NMBR: variants seen among roughly 807,000 people sequenced by gnomAD.
NMBR encodes neuromedin-B receptor.
In NMBR, 16 loss-of-function variants were observed where a neutral mutation model predicts 20.5. The observed-to-expected ratio is 0.78, with a 90% confidence interval of 0.53 to 1.19. The LOEUF (loss-of-function observed/expected upper bound fraction) is 1.19. NMBR is among the 50% of genes most tolerant of loss of function. The pLI, the probability that NMBR is intolerant of heterozygous loss-of-function variation, is 0.00. For missense variants in NMBR, 582 were observed against 499.1 expected (o/e 1.17, Z -1.58); for synonymous variants, 212 against 196.6 (o/e 1.08, Z -0.65).
chr6:142,134,994 C>A, intron 1 of NMBR: 1 of 458,390 alleles, frequency 2.2e-6, no homozygotes, highest in South Asian at 5.0e-5. Context: ...TCAGTGAGTA[C>A]AATTTCAAAA....
At chr6:142,129,601 A>G (rs141808665) in intron 1 of NMBR, among the ~76,000 whole-genome samples, 356 of 152,250 alleles carry the variant, frequency 2.3e-3, no homozygotes, top group Non-Finnish European at 3.4e-3. Flanking sequence ...GAGAAAAGAC[A>G]TTGAAAACAG....
intron 1 of NMBR, among the ~76,000 whole-genome samples, chr6:142,123,898 T>A (rs908829810): frequency 6.6e-6 from 1 of 151,904 alleles, no homozygotes; most frequent in African/African-American, 2.4e-5. Context: ...CATCGGATAT[T>A]TTTTTAAAAG....
At position 142,075,613 on chromosome 6, in the gene NMBR, A is replaced by T. The variant is rs376713147; in HGVS notation, c.*35T>A. On this transcript the variant is annotated 3_prime_UTR_variant, in exon 4 of 4. Coordinates refer to ENST00000258042, the MANE Select transcript of NMBR (RefSeq NM_002511.4). The stretch of plus-strand genomic sequence containing the variant: ...CCGAATAGGAATTTTAACAGTTACT[A>T]AGTTCTCTCCAGGTAGTGAGTTGAA... 13 of 1,549,516 alleles carry T rather than the reference A, an allele frequency of 8.4e-6. No homozygotes were observed. Among genetic ancestry groups the T allele is most frequent in the African/African-American group, 2.8e-5 (2 of 72,714 alleles).
chr6:142,137,243 T>C (rs1778276980), intron 1 of NMBR, among the ~76,000 whole-genome samples: 1 of 152,212 alleles, frequency 6.6e-6, no homozygotes, highest in African/African-American at 2.4e-5. Flanking sequence ...AGGTATTTTA[T>C]TCTCTTTGAA....
intron 1 of NMBR, among the ~76,000 whole-genome samples, chr6:142,108,882 T>C (rs760405073): frequency 5.3e-5 from 8 of 152,192 alleles, no homozygotes; most frequent in Admixed American, 3.9e-4. Flanking sequence ...GGCAAGTTCC[T>C]TTCTCCTATG....
intron 1 of NMBR, among the ~76,000 whole-genome samples, chr6:142,135,509 T>C (rs1274148350): frequency 6.6e-6 from 1 of 152,120 alleles, no homozygotes; most frequent in African/African-American, 2.4e-5. Context: ...TTTATTATTA[T>C]TATACTTTAA....
intron 1 of NMBR, among the ~76,000 whole-genome samples, chr6:142,095,518 G>A (rs978423104): frequency 6.6e-6 from 1 of 152,166 alleles, no homozygotes; most frequent in Admixed American, 6.5e-5. Flanking sequence ...TGATCATGGT[G>A]GATAAGCTTT....
chr6:142,085,046 TA>T (rs1337421733), intron 2 of NMBR, among the ~76,000 whole-genome samples: 1 of 152,096 alleles, frequency 6.6e-6, no homozygotes, highest in Admixed American at 6.6e-5. Flanking sequence ...GATAACAGTT[TA>T]AAAAATAATA....
chr6:142,126,616 T>C (rs1204848797), intron 1 of NMBR, among the ~76,000 whole-genome samples: 1 of 151,920 alleles, frequency 6.6e-6, no homozygotes, highest in African/African-American at 2.4e-5. Flanking sequence ...TGAAGTGATA[T>C]CTTATTGTGA....
Position 142,075,806 on chromosome 6 carries a change from G to C in NMBR, c.1015C>G (p.Leu339Val), listed in dbSNP as rs371670947. ...ESFRRHFNSQ[L>V]CCGRKSYQER... Reference sequence around the variant, plus strand: ...TGATAGGACTTCCTCCCACAGCAGAGTTGGCTGTTGAAATGCCTCCTGAAG... The same window carrying C: ...TGATAGGACTTCCTCCCACAGCAGACTTGGCTGTTGAAATGCCTCCTGAAG... The change falls in exon 4 of 4, where the codon CTC becomes GTC. Residue 339 changes from leucine to valine, a missense_variant. By Grantham distance (32) the Leu-to-Val change is conservative. Coordinates refer to ENST00000258042, the MANE Select transcript of NMBR (RefSeq NM_002511.4). 1.2e-5 allele frequency: 19 copies of C among 1,614,122 alleles called. No individual in the cohort carries two copies. The East Asian group carries it at 1.3e-4, about 11-fold the overall frequency.
intron 1 of NMBR, among the ~76,000 whole-genome samples, chr6:142,123,054 G>T (rs1313433935): frequency 6.6e-6 from 1 of 151,842 alleles, no homozygotes; most frequent in Admixed American, 6.6e-5. Context: ...TGATAGATCT[G>T]GTCAAAGTAA....
At chr6:142,135,471 T>G (rs1382064826) in intron 1 of NMBR, among the ~76,000 whole-genome samples, 1 of 152,090 alleles carries the variant, frequency 6.6e-6, no homozygotes, top group Non-Finnish European at 1.5e-5. Context: ...TTTTTAAAAT[T>G]TTATTCAATC....
chr6:142,100,226 T>G (rs1051150981), intron 1 of NMBR, among the ~76,000 whole-genome samples: 1 of 152,150 alleles, frequency 6.6e-6, no homozygotes, highest in African/African-American at 2.4e-5. Flanking sequence ...CCCAAAATAT[T>G]TGAAAACATA....
chr6:142,115,255 C>T (rs1480096651), intron 1 of NMBR, among the ~76,000 whole-genome samples: 1 of 151,852 alleles, frequency 6.6e-6, no homozygotes, highest in African/African-American at 2.4e-5. Flanking sequence ...TAAATTTAAC[C>T]TAAAAAATAA....
intron 1 of NMBR, chr6:142,133,978 CAA>C: frequency 1.4e-6 from 1 of 702,514 alleles, no homozygotes; most frequent in Non-Finnish European, 2.6e-6. Context: ...GCGATCCAGA[CAA>C]AAGAGAAGTA....
At chr6:142,128,811 G>A (rs1778086496) in intron 1 of NMBR, among the ~76,000 whole-genome samples, 1 of 151,476 alleles carries the variant, frequency 6.6e-6, no homozygotes, top group Admixed American at 6.6e-5. Flanking sequence ...CTGGGATGTT[G>A]CCCTGTAGTT....
At chr6:142,081,875 A>G (rs1777104456) in intron 2 of NMBR, among the ~76,000 whole-genome samples, 1 of 152,180 alleles carries the variant, frequency 6.6e-6, no homozygotes, top group Non-Finnish European at 1.5e-5. Context: ...CTGAAAACTA[A>G]ATACTAGAGA....
chr6:142,114,974 A>G (rs568364003), intron 1 of NMBR, among the ~76,000 whole-genome samples: 1 of 152,284 alleles, frequency 6.6e-6, no homozygotes, highest in African/African-American at 2.4e-5. Context: ...ACTGAAACTT[A>G]GCAGATCTCT....
chr6:142,096,267 C>T (rs1582844965), intron 1 of NMBR, among the ~76,000 whole-genome samples: 1 of 152,098 alleles, frequency 6.6e-6, no homozygotes, highest in East Asian at 1.9e-4. Context: ...TTAGATCTTT[C>T]CTGCTTTCTC....
Sources: allele counts gnomAD v4.1 joint callset (sites outside exome capture counted in the v4.1 genomes callset), GRCh38; gene constraint gnomAD v4.1.1; transcripts MANE v1.5; gene names NCBI Gene and HGNC (gene_info 2026-07-23, HGNC 2026-07-21).